Variants in WDPCP observed in about 807,000 individuals in gnomAD.
The protein encoded by WDPCP is WD repeat-containing and planar cell polarity effector protein fritz homolog.
Under a neutral mutation model 93.1 loss-of-function variants are expected in WDPCP, and 71 were observed. That is an observed-to-expected ratio of 0.76 (90% CI 0.63 to 0.93). The LOEUF is 0.93. WDPCP is among the 40% of genes least tolerant of loss of function. The pLI, the probability that WDPCP is intolerant of heterozygous loss-of-function variation, is 0.00. For synonymous variants in WDPCP, 315 were observed against 315.0 expected (o/e 1.00, Z 0.00); for missense variants, 844 against 887.4 (o/e 0.95, Z 0.62).
intron 14 of WDPCP, among the ~76,000 whole-genome samples, chr2:63,186,280 G>C (rs982241799): frequency 6.6e-6 from 1 of 152,164 alleles, no homozygotes; most frequent in Non-Finnish European, 1.5e-5. Flanking sequence ...TTCCACAAAG[G>C]GGGAAAGCCC....
chr2:63,791,944 A>C (rs906050554), intron 2 of WDPCP, among the ~76,000 whole-genome samples: 1 of 152,216 alleles, frequency 6.6e-6, no homozygotes, highest in Non-Finnish European at 1.5e-5. Context: ...ACGCTGCTTA[A>C]ATCATTGCTA....
Position 63,296,585 on chromosome 2 carries a change from A to G in WDPCP, c.1812+16663T>C, listed in dbSNP as rs1684875469. Among the ~76,000 whole-genome samples the G allele has an allele frequency of 2.6e-5, 4 of 152,322 alleles. No homozygotes were observed. In the South Asian group the frequency reaches 8.3e-4, roughly 32 times the overall value. Reference sequence around the variant, plus strand: ...AACAGACTTCTAGACTTGAAAAATGACTTCAGTAAATTTCCAAATACAAAA... The same window carrying G: ...AACAGACTTCTAGACTTGAAAAATGGCTTCAGTAAATTTCCAAATACAAAA... On this transcript the variant is annotated intron_variant, in intron 13 of 17. Transcript: ENST00000272321.
intron 1 of WDPCP, among the ~76,000 whole-genome samples, chr2:63,587,097 G>A (rs1165198408): frequency 6.6e-6 from 1 of 152,148 alleles, no homozygotes; most frequent in Non-Finnish European, 1.5e-5. Context: ...GAAATTTTTC[G>A]TAACTGCTCA....
intron 12 of WDPCP, among the ~76,000 whole-genome samples, chr2:63,323,157 T>C (rs1687255732): frequency 6.6e-6 from 1 of 152,194 alleles, no homozygotes; most frequent in African/African-American, 2.4e-5. Context: ...CAAAGTCATG[T>C]CGCCCAAGCG....
chr2:63,215,677 A>T (rs1436148380), intron 14 of WDPCP, among the ~76,000 whole-genome samples: 1 of 152,230 alleles, frequency 6.6e-6, no homozygotes, highest in African/African-American at 2.4e-5. Flanking sequence ...AAAACACCAA[A>T]AGCAATGGCA....
chr2:63,204,724 T>C (rs62177773), intron 14 of WDPCP, among the ~76,000 whole-genome samples: 1 of 152,006 alleles, frequency 6.6e-6, no homozygotes, highest in South Asian at 2.1e-4. Flanking sequence ...ACAGAGTTGT[T>C]TAAATTCCTT....
chr2:63,830,207 CTATTAT>C (rs778057264), upstream of WDPCP, among the ~76,000 whole-genome samples: 11 of 151,862 alleles, frequency 7.2e-5, no homozygotes, highest in Non-Finnish European at 1.3e-4. Flanking sequence ...GCTTCTTGTC[CTATTAT>C]TATTAATTAT....
chr2:63,145,470 T>C (rs1172058961), intron 17 of WDPCP, among the ~76,000 whole-genome samples: 1 of 152,114 alleles, frequency 6.6e-6, no homozygotes, highest in Non-Finnish European at 1.5e-5. Context: ...CCCAGGTCAC[T>C]GGAGTTGGGT....
At chr2:63,604,637 T>A in intron 3 of WDPCP, 1 of 1,365,658 alleles carries the variant, frequency 7.3e-7, no homozygotes, top group Non-Finnish European at 1.0e-6. Flanking sequence ...TCAAAACAGG[T>A]CCCAATTGGA....
intron 1 of WDPCP, among the ~76,000 whole-genome samples, chr2:63,533,739 T>C (rs1419662996): frequency 6.6e-6 from 1 of 152,166 alleles, no homozygotes; most frequent in South Asian, 2.1e-4. Context: ...TAGCACTAAA[T>C]GCCCACAAGA....
chr2:63,145,526 A>C (rs1264604315), intron 17 of WDPCP, among the ~76,000 whole-genome samples: 2 of 152,082 alleles, frequency 1.3e-5, no homozygotes, highest in Non-Finnish European at 2.9e-5. Context: ...GCAGTTTCTC[A>C]GGGAAGTAGG....
At chr2:63,143,208 A>G (rs1183833642) in intron 17 of WDPCP, among the ~76,000 whole-genome samples, 2 of 151,990 alleles carry the variant, frequency 1.3e-5, no homozygotes, top group Non-Finnish European at 2.9e-5. Flanking sequence ...GTTACTTTAA[A>G]ATTTGTTTTG....
chr2:63,602,934 CTTTTTTTTTTTTTTTTTTTTTTTTTT>C (rs370479356), intron 3 of WDPCP, among the ~76,000 whole-genome samples: 8 of 131,624 alleles, frequency 6.1e-5, no homozygotes, highest in Non-Finnish European at 1.0e-4. Context: ...TTTAACCGTT[CTTTTTTTTTTTTTTTTTTTTTTTTTT>C]TTTTTTTTTT....
At chr2:63,396,710 C>T (rs577309378) in intron 10 of WDPCP, among the ~76,000 whole-genome samples, 2 of 151,856 alleles carry the variant, frequency 1.3e-5, no homozygotes, top group South Asian at 2.1e-4. Flanking sequence ...AGGTTTGTTA[C>T]GTAGGTAAAC....
chr2:63,532,725 G>T (rs1703955340), intron 1 of WDPCP, among the ~76,000 whole-genome samples: 1 of 152,136 alleles, frequency 6.6e-6, no homozygotes, highest in Non-Finnish European at 1.5e-5. Flanking sequence ...AACATGGAAA[G>T]GAACAAATGG....
At chr2:63,158,846 T>C (rs77756925) in intron 15 of WDPCP, among the ~76,000 whole-genome samples, 1 of 151,734 alleles carries the variant, frequency 6.6e-6, no homozygotes, top group Non-Finnish European at 1.5e-5. Context: ...AGTTAAAAAA[T>C]TTTGTGGGGG....
intron 6 of WDPCP, among the ~76,000 whole-genome samples, chr2:63,444,791 T>C (rs1575432231): frequency 6.6e-6 from 1 of 152,142 alleles, no homozygotes; most frequent in Non-Finnish European, 1.5e-5. Context: ...CTGAGGCAAA[T>C]AGAAACCGAA....
intron 17 of WDPCP, among the ~76,000 whole-genome samples, chr2:63,151,712 G>C (rs1671900036): frequency 6.6e-6 from 1 of 152,090 alleles, no homozygotes; most frequent in Admixed American, 6.5e-5. Flanking sequence ...TTTCAATGCA[G>C]GTATGTCCAG....
At chr2:63,728,008 A>G (rs1309245165) in intron 2 of WDPCP, among the ~76,000 whole-genome samples, 3 of 152,174 alleles carry the variant, frequency 2.0e-5, no homozygotes, top group Non-Finnish European at 4.4e-5. Context: ...AGTACTACAA[A>G]TTTCAGAAAA....
Sources: allele counts gnomAD v4.1 joint callset (sites outside exome capture counted in the v4.1 genomes callset), GRCh38; gene constraint gnomAD v4.1.1; transcripts MANE v1.5; gene names NCBI Gene and HGNC (gene_info 2026-07-23, HGNC 2026-07-21).